The following GRIK1 variants were observed in gnomAD, a reference collection of about 807,000 sequenced individuals.
The protein encoded by GRIK1 is glutamate ionotropic receptor kainate type subunit 1.
A neutral mutation model predicts 105.7 loss-of-function variants in GRIK1; 69 were observed. That is an observed-to-expected ratio of 0.65 (90% CI 0.54 to 0.80). The LOEUF (loss-of-function observed/expected upper bound fraction) is 0.80. Ranked by LOEUF, GRIK1 falls within the 30% of genes least tolerant of loss-of-function variation. GRIK1 has a pLI of 0.00. For synonymous variants in GRIK1, 438 were observed against 431.3 expected, an observed-to-expected ratio of 1.02 and a Z score of -0.19; for missense variants, 1,109 against 1,167.3, an observed-to-expected ratio of 0.95 and a Z score of 0.73.
chr21:29,839,897 T>A lies in GRIK1; in HGVS notation c.118+99486A>T, dbSNP rs1417354924. 3.3e-5 allele frequency among the ~76,000 whole-genome samples: 5 copies of A among 152,062 alleles called. No homozygotes were observed. The East Asian group carries it at 9.6e-4, about 29-fold the overall frequency. On this transcript the variant is annotated intron_variant, in intron 1 of 17. Transcript: ENST00000327783. ...TAGTTGACCTCAGTAGTGTGAAAGG[T>A]TTTTATGTGGAAGGAAGGTAGACTA... is the stretch of plus-strand genomic sequence containing the variant.
At chr21:29,896,058 A>C (rs1269177122) in intron 1 of GRIK1, among the ~76,000 whole-genome samples, 1 of 152,172 alleles carries the variant, frequency 6.6e-6, no homozygotes, top group Non-Finnish European at 1.5e-5. Flanking sequence ...GCTTTTTTCC[A>C]AATATTTTCA....
intron 1 of GRIK1, among the ~76,000 whole-genome samples, chr21:29,882,105 C>G (rs1168037125): frequency 6.6e-6 from 1 of 151,950 alleles, no homozygotes; most frequent in African/African-American, 2.4e-5. Flanking sequence ...AAACAAACAA[C>G]AGTAACAATA....
intron 1 of GRIK1, among the ~76,000 whole-genome samples, chr21:29,749,631 C>A (rs1351665394): frequency 6.6e-6 from 1 of 152,180 alleles, no homozygotes; most frequent in South Asian, 2.1e-4. Context: ...AGTGCAGACA[C>A]TTTAATGTGA....
intron 1 of GRIK1, among the ~76,000 whole-genome samples, chr21:29,773,580 G>T (rs189951636): frequency 6.6e-6 from 1 of 152,112 alleles, no homozygotes; most frequent in East Asian, 1.9e-4. Flanking sequence ...TCAAACATAG[G>T]CAGTAACTAG....
Position 29,898,921 on chromosome 21 carries a change from G to A in GRIK1, c.118+40462C>T, listed in dbSNP as rs562496677. Reference sequence around the variant, plus strand: ...TGGGAGGTGGAGGTTGCAGTGAGCCGAGATCACGTCATTGCACTCCAGCCT... The same window carrying A: ...TGGGAGGTGGAGGTTGCAGTGAGCCAAGATCACGTCATTGCACTCCAGCCT... On this transcript the variant is annotated intron_variant, in intron 1 of 17. Transcript: ENST00000327783. Among the ~76,000 whole-genome samples, 277 of 151,614 alleles carry A rather than the reference G, an allele frequency of 1.8e-3. 1 individual carries two copies. The highest frequency in any genetic ancestry group is 6.4e-3 in the African/African-American group (265 of 41,270).
intron 1 of GRIK1, among the ~76,000 whole-genome samples, chr21:29,844,745 A>G (rs2146017975): frequency 6.6e-6 from 1 of 152,336 alleles, no homozygotes; most frequent in Non-Finnish European, 1.5e-5. Flanking sequence ...GAGTTATAGT[A>G]CGTCATTATT....
intron 1 of GRIK1, among the ~76,000 whole-genome samples, chr21:29,736,942 G>T (rs554039878): frequency 3.3e-5 from 5 of 152,116 alleles, no homozygotes; most frequent in East Asian, 3.9e-4. Flanking sequence ...GCCTCCCAGA[G>T]TGCTGGGATT....
intron 1 of GRIK1, among the ~76,000 whole-genome samples, chr21:29,800,594 T>C (rs1213870919): frequency 6.6e-6 from 1 of 152,258 alleles, no homozygotes; most frequent in Non-Finnish European, 1.5e-5. Context: ...TTGGAATTTC[T>C]GTTGGCTCAA....
chr21:29,695,705 C>G (rs1431776495), intron 1 of GRIK1, among the ~76,000 whole-genome samples: 1 of 152,094 alleles, frequency 6.6e-6, no homozygotes, highest in Non-Finnish European at 1.5e-5. Context: ...AAACTCCTGA[C>G]TTCGTGATCT....
intron 1 of GRIK1, among the ~76,000 whole-genome samples, chr21:29,790,642 G>A (rs1021201748): frequency 1.3e-5 from 2 of 151,724 alleles, no homozygotes; most frequent in Non-Finnish European, 2.9e-5. Flanking sequence ...TTGTAGAGAT[G>A]AGGTCTCACT....
chr21:29,888,479 T>A (rs532372812), intron 1 of GRIK1, among the ~76,000 whole-genome samples: 1 of 151,786 alleles, frequency 6.6e-6, no homozygotes, highest in African/African-American at 2.4e-5. Context: ...TTGACCAGGC[T>A]GTTCTCAAAC....
intron 1 of GRIK1, among the ~76,000 whole-genome samples, chr21:29,779,198 C>T (rs932250): frequency 0.39 from 59,587 of 152,144 alleles, 14,079 homozygotes; most frequent in South Asian, 0.56. Context: ...ATCCCCAAAG[C>T]GACAACCATT....
intron 13 of GRIK1, among the ~76,000 whole-genome samples, chr21:29,577,409 A>AT: frequency 6.6e-6 from 1 of 152,362 alleles, no homozygotes; most frequent in South Asian, 2.1e-4. Flanking sequence ...TGATGGTATT[A>AT]AAACAGTTTT....
intron 1 of GRIK1, among the ~76,000 whole-genome samples, chr21:29,834,323 TA>T (rs1283251071): frequency 1.3e-5 from 2 of 148,424 alleles, no homozygotes; most frequent in African/African-American, 4.9e-5. Context: ...TATATATATA[TA>T]AAAATATATA....
chr21:29,610,996 C>T (rs2061719036), intron 7 of GRIK1, among the ~76,000 whole-genome samples: 1 of 152,022 alleles, frequency 6.6e-6, no homozygotes, highest in African/African-American at 2.4e-5. Context: ...AGCACAATGA[C>T]ATCAGACTTT....
chr21:29,804,839 A>G (rs2066819805), intron 1 of GRIK1, among the ~76,000 whole-genome samples: 1 of 152,158 alleles, frequency 6.6e-6, no homozygotes, highest in Non-Finnish European at 1.5e-5. Flanking sequence ...GCAAACTTGT[A>G]TAGTATTTAC....
intron 3 of GRIK1, among the ~76,000 whole-genome samples, chr21:29,680,404 T>G (rs1166988263): frequency 6.6e-6 from 1 of 152,246 alleles, no homozygotes; most frequent in African/African-American, 2.4e-5. Context: ...CGTATCTTAC[T>G]CTTCTACTGT....
intron 4 of GRIK1, among the ~76,000 whole-genome samples, chr21:29,665,315 C>T (rs1309669024): frequency 2.6e-5 from 4 of 152,078 alleles, no homozygotes; most frequent in Non-Finnish European, 5.9e-5. Flanking sequence ...TGAACCGCTC[C>T]GTACAACTAA....
At chr21:29,891,037 AT>A (rs1159188211) in intron 1 of GRIK1, among the ~76,000 whole-genome samples, 2 of 152,290 alleles carry the variant, frequency 1.3e-5, no homozygotes, top group African/African-American at 4.8e-5. Flanking sequence ...CTGATATAAC[AT>A]CTTTTTTTGA....
Sources: gnomAD v4.1 joint callset for allele counts (sites outside exome capture counted in the v4.1 genomes callset) on GRCh38, gnomAD v4.1.1 for gene constraint, MANE v1.5 for transcripts, NCBI Gene and HGNC (gene_info 2026-07-23, HGNC 2026-07-21) for gene names.